Variants in UGGT1 observed in about 807,000 individuals in gnomAD.
UGGT1 encodes the protein UDP-glucose:glycoprotein glucosyltransferase 1.
A neutral mutation model predicts 203.9 loss-of-function variants in UGGT1; 107 were observed. The ratio of observed to expected loss-of-function variants is 0.52; its 90% confidence interval spans 0.45 to 0.62. UGGT1 has a LOEUF of 0.62. Among genes scored for constraint, UGGT1 ranks in the 20% least tolerant of loss-of-function variants. The pLI is 0.00. For missense variants in UGGT1, 1,673 were observed against 1,867.2 expected (o/e 0.90, Z 1.92); for synonymous variants, 628 against 653.5 (o/e 0.96, Z 0.59).
At chr2:128,132,354 C>T (rs1688920297) in intron 13 of UGGT1, among the ~76,000 whole-genome samples, 1 of 152,010 alleles carries the variant, frequency 6.6e-6, no homozygotes, top group Non-Finnish European at 1.5e-5. Flanking sequence ...TCAAGACCAG[C>T]CTGGCCAACA....
In UGGT1 at chr2:128,124,148, G is replaced by A. The variant is rs148902561; in HGVS notation, c.1134+902G>A. On this transcript the variant is annotated intron_variant, in intron 11 of 40. Coordinates refer to ENST00000259253, the MANE Select transcript of UGGT1 (RefSeq NM_020120.4). ...TTTTTAGTAGAGACGGGGTTTCACCGTGTTAGCCAGGATAGTCTCGATCTC... is the reference window on the plus strand; with the variant it reads ...TTTTTAGTAGAGACGGGGTTTCACCATGTTAGCCAGGATAGTCTCGATCTC... Among the ~76,000 whole-genome samples, 439 of 152,118 alleles carry A rather than the reference G, an allele frequency of 2.9e-3. 3 individuals are homozygous for A. The highest frequency in any genetic ancestry group is 3.8e-3 in the Non-Finnish European group (259 of 67,990).
Position 128,155,483 on chromosome 2 carries a change from T to A in UGGT1, c.2138-6T>A, listed in dbSNP as rs757202295. 1 of 1,607,538 alleles carries A rather than the reference T, an allele frequency of 6.2e-7. No homozygotes were observed. The highest frequency in any genetic ancestry group is 1.3e-5 in the African/African-American group (1 of 74,758). On this transcript the variant is annotated splice_polypyrimidine_tract_variant and splice_region_variant and intron_variant, in intron 19 of 40. Transcript: ENST00000259253. ...TAATATATACGTATTTCATTTTTTC[T>A]CCCAGATAACTTCTTTGTGGATGAT... is the stretch of plus-strand genomic sequence containing the variant.
In UGGT1 at chr2:128,194,641, G is replaced by A. The variant is rs1442534436; in HGVS notation, c.*4899G>A. The A allele has an allele frequency of 6.6e-6, 1 of 152,204 alleles. No individual in the cohort carries two copies. The highest frequency in any genetic ancestry group is 1.5e-5 in the Non-Finnish European group (1 of 68,034). The allele number at this position is 152,204 out of a possible 1,614,324, so 9.4% of individuals were successfully genotyped here. On this transcript the variant is annotated 3_prime_UTR_variant, in exon 41 of 41. Coordinates refer to ENST00000259253, the MANE Select transcript of UGGT1 (RefSeq NM_020120.4). Reference sequence around the variant, plus strand: ...GGCACATTTTTGTGGGATGATTGGAGTTAATCAAATAAAGCTTGTCATGTG... The same window carrying A: ...GGCACATTTTTGTGGGATGATTGGAATTAATCAAATAAAGCTTGTCATGTG...
At chr2:128,173,688 CT>C (rs900612677) in intron 29 of UGGT1, 92 bp from the exon 30 acceptor site, 23 of 1,400,794 alleles carry the variant, frequency 1.6e-5, no homozygotes, top group East Asian at 2.3e-5. Flanking sequence ...TATGTAAGTC[CT>C]TTTTGTCTGC....
At chr2:128,166,111 G>A (rs943494191) in intron 26 of UGGT1, among the ~76,000 whole-genome samples, 1 of 152,168 alleles carries the variant, frequency 6.6e-6, no homozygotes, top group Non-Finnish European at 1.5e-5. Flanking sequence ...GTTTTGAAAA[G>A]TTTAAAACCT....
In UGGT1 at chr2:128,176,369, T is replaced by C. The variant is rs546278153; in HGVS notation, c.3540-445T>C. ...GGAGGTTGCATTGAGCCGAGATTGC[T>C]CTACTGCACTCCAGGGCAACAGAGC... is the stretch of plus-strand genomic sequence containing the variant. On this transcript the variant is annotated intron_variant, in intron 31 of 40. Transcript: ENST00000259253. Among the ~76,000 whole-genome samples, 13 of 137,292 alleles carry C rather than the reference T, an allele frequency of 9.5e-5. No homozygotes were observed. In the East Asian group the frequency reaches 2.8e-3, roughly 29 times the overall value. 90.1% of individuals were successfully genotyped at this position (137,292 alleles called of 152,430 possible). A position where few individuals can be genotyped will look rare whatever the true frequency, so the allele number is the denominator to read the frequency against.
At chr2:128,166,648 T>G (rs1690804616) in intron 26 of UGGT1, among the ~76,000 whole-genome samples, 1 of 152,210 alleles carries the variant, frequency 6.6e-6, no homozygotes, top group South Asian at 2.1e-4. Flanking sequence ...ATGACATTTT[T>G]TAAGAGTCCA....
chr2:128,094,354 A>G (rs1687008286), intron 1 of UGGT1, among the ~76,000 whole-genome samples: 1 of 152,186 alleles, frequency 6.6e-6, no homozygotes, highest in South Asian at 2.1e-4. Flanking sequence ...TTTAATAACG[A>G]TGATGTACTA....
chr2:128,138,653 T>C, intron 15 of UGGT1, 64 bp from the exon 16 acceptor site: 1 of 1,565,418 alleles, frequency 6.4e-7, no homozygotes, highest in Non-Finnish European at 8.7e-7. Flanking sequence ...TACAAGGATG[T>C]CATTCTTTTT....
intron 13 of UGGT1, 58 bp from the exon 14 acceptor site, chr2:128,133,083 G>A: frequency 6.3e-7 from 1 of 1,581,696 alleles, no homozygotes; most frequent in South Asian, 1.1e-5. Context: ...TGATATTATT[G>A]CAGGTTTTAC....
intron 17 of UGGT1, 152 bp from the exon 18 acceptor site, chr2:128,145,651 C>T (rs1689651775): frequency 2.6e-6 from 2 of 774,394 alleles, no homozygotes; most frequent in African/African-American, 3.6e-5. Flanking sequence ...TGTCATTTTT[C>T]ATTTTTTTAA....
chr2:128,121,484 C>A (rs1469398808), intron 10 of UGGT1, among the ~76,000 whole-genome samples, 186 bp downstream of exon 10: 1 of 149,984 alleles, frequency 6.7e-6, no homozygotes, highest in Non-Finnish European at 1.5e-5. Context: ...CGGCTTACCA[C>A]AACCTCCGCC....
In UGGT1 at chr2:128,128,692, A is replaced by G. The variant is rs559158362; in HGVS notation, c.1227-337A>G. On this transcript the variant is annotated intron_variant, in intron 12 of 40. Coordinates refer to ENST00000259253, the MANE Select transcript of UGGT1 (RefSeq NM_020120.4). ...CTTTCAGGCTTTTTTCTGTGGTCAT[A>G]TGTTTGCCTCTGTGAATTGGTACTG... Among the ~76,000 whole-genome samples, 10 of 152,266 alleles carry G rather than the reference A, an allele frequency of 6.6e-5. No homozygotes were observed. In the South Asian group the frequency reaches 1.9e-3, roughly 28 times the overall value.
intron 37 of UGGT1, among the ~76,000 whole-genome samples, 198 bp downstream of exon 37, chr2:128,182,488 C>T (rs1351890640): frequency 6.6e-6 from 1 of 152,118 alleles, no homozygotes; most frequent in Non-Finnish European, 1.5e-5. Context: ...CACCTGAGGT[C>T]AGGATTTCAA....
intron 13 of UGGT1, among the ~76,000 whole-genome samples, chr2:128,131,909 G>A (rs1688898150): frequency 6.6e-6 from 1 of 152,080 alleles, no homozygotes; most frequent in Admixed American, 6.5e-5. Flanking sequence ...TTACAGGCGT[G>A]AGCCACCACA....
intron 32 of UGGT1, 52 bp downstream of exon 32, chr2:128,176,950 A>G: frequency 6.5e-7 from 1 of 1,547,830 alleles, no homozygotes; most frequent in Non-Finnish European, 8.9e-7. Context: ...TGTCATTTAA[A>G]AATATGTATC....
chr2:128,176,531 C>T (rs367573593), intron 31 of UGGT1, among the ~76,000 whole-genome samples: 9 of 151,702 alleles, frequency 5.9e-5, no homozygotes, highest in Non-Finnish European at 7.4e-5. Flanking sequence ...TGAACACAGG[C>T]GGTTGTTTAG....
At chr2:128,173,193 G>A (rs1392021853) in intron 29 of UGGT1, among the ~76,000 whole-genome samples, 1 of 152,194 alleles carries the variant, frequency 6.6e-6, no homozygotes, top group Non-Finnish European at 1.5e-5. Flanking sequence ...CATCCATGCT[G>A]TAGTATGTAT....
In UGGT1 at chr2:128,134,925, C is replaced by T. The variant is rs772035312; in HGVS notation, c.1547C>T (p.Thr516Ile). 10 of 1,613,868 alleles carry T rather than the reference C, an allele frequency of 6.2e-6. No individual in the cohort carries two copies. The South Asian group carries it at 9.9e-5, about 16-fold the overall frequency. The change falls in exon 15 of 41, where the codon ACA becomes ATA. Residue 516 changes from threonine (T) to isoleucine (I), a missense_variant. Thr to Ile is a moderately conservative substitution (Grantham distance 89). Coordinates refer to ENST00000259253, the MANE Select transcript of UGGT1 (RefSeq NM_020120.4). ...AHETTAELMN[T>I]AEMFLSNHIP... ...GAGACCACAGCAGAGTTGATGAACA[C>T]AGCTGAGATGTTCCTTAGTAATCAT...
Sources: allele counts gnomAD v4.1 joint callset (sites outside exome capture counted in the v4.1 genomes callset), GRCh38; gene constraint gnomAD v4.1.1; transcripts MANE v1.5; gene names NCBI Gene and HGNC (gene_info 2026-07-23, HGNC 2026-07-21).